The following SLC24A2 variants were observed in gnomAD, a reference collection of about 807,000 sequenced individuals.
SLC24A2 encodes solute carrier family 24 member 2, also known as sodium/potassium/calcium exchanger 2.
A neutral mutation model predicts 62.0 loss-of-function variants in SLC24A2; 36 were observed. The ratio of observed to expected loss-of-function variants is 0.58; its 90% confidence interval spans 0.44 to 0.77. The LOEUF is 0.77. Ranked by LOEUF, SLC24A2 falls within the 30% of genes least tolerant of loss-of-function variation. SLC24A2 has a pLI of 0.00. For missense variants in SLC24A2, 846 were observed against 817.9 expected (o/e 1.03, Z -0.42); for synonymous variants, 358 against 294.0 (o/e 1.22, Z -2.23).
At chr9:19,720,837 ATGTGTGTGTGTGTGTGTG>A (rs10692458) in intron 2 of SLC24A2, among the ~76,000 whole-genome samples, 26 of 140,524 alleles carry the variant, frequency 1.9e-4, no homozygotes, top group African/African-American at 5.5e-4. Flanking sequence ...ATGTGGAATG[ATGTGTGTGTGTGTGTGTG>A]TGTGTGTGTG....
intron 4 of SLC24A2, among the ~76,000 whole-genome samples, chr9:19,603,075 ACCAT>A (rs796238866): frequency 6.6e-5 from 10 of 152,268 alleles, no homozygotes; most frequent in Admixed American, 3.9e-4. Flanking sequence ...AATATCTGAA[ACCAT>A]CCATGCAACA....
At chr9:19,598,177 A>G (rs755149012) in intron 4 of SLC24A2, among the ~76,000 whole-genome samples, 2 of 152,218 alleles carry the variant, frequency 1.3e-5, no homozygotes, top group Non-Finnish European at 2.9e-5. Flanking sequence ...GATTGTTTTA[A>G]GCAATTTTGT....
chr9:20,142,798 G>A, the SLC24A2 span, among the ~76,000 whole-genome samples: 1 of 152,060 alleles, frequency 6.6e-6, no homozygotes, highest in African/African-American at 2.4e-5. Flanking sequence ...GTTTCACCGT[G>A]TTGGTCAGGC....
the SLC24A2 span, among the ~76,000 whole-genome samples, chr9:20,130,429 G>A: frequency 1.3e-5 from 2 of 152,000 alleles, no homozygotes; most frequent in Middle Eastern, 3.2e-3. Flanking sequence ...GGTGACATGT[G>A]AGCTGAAATC....
chr9:19,781,849 T>C (rs1823029372), intron 2 of SLC24A2, among the ~76,000 whole-genome samples: 1 of 152,230 alleles, frequency 6.6e-6, no homozygotes, highest in Admixed American at 6.5e-5. Context: ...AACACATGTA[T>C]ACTTATACAA....
the SLC24A2 span, among the ~76,000 whole-genome samples, chr9:20,293,612 C>A: frequency 6.6e-6 from 1 of 152,210 alleles, no homozygotes; most frequent in East Asian, 1.9e-4. Flanking sequence ...TCTTGGCCTT[C>A]TGGCTCAAGT....
At chr9:20,261,470 T>A in the SLC24A2 span, among the ~76,000 whole-genome samples, 1 of 151,882 alleles carries the variant, frequency 6.6e-6, no homozygotes, top group South Asian at 2.1e-4. Context: ...AACAGCCCAC[T>A]CTCTCCAAAA....
At chr9:20,176,723 G>A in the SLC24A2 span, among the ~76,000 whole-genome samples, 2 of 152,054 alleles carry the variant, frequency 1.3e-5, no homozygotes, top group African/African-American at 4.8e-5. Context: ...GCTTGTAAAC[G>A]TTGACTTTCA....
the SLC24A2 span, among the ~76,000 whole-genome samples, chr9:19,891,506 T>C: frequency 0.56 from 84,820 of 151,858 alleles, 26,529 homozygotes; most frequent in Non-Finnish European, 0.71. Context: ...CCACTTGTGG[T>C]AGACGGTGAA....
At chr9:20,093,943 A>G in the SLC24A2 span, among the ~76,000 whole-genome samples, 2 of 152,154 alleles carry the variant, frequency 1.3e-5, no homozygotes, top group East Asian at 3.8e-4. Context: ...CCTACTATGT[A>G]CTCACAGAAA....
chr9:20,144,420 C>A, the SLC24A2 span, among the ~76,000 whole-genome samples: 1 of 152,190 alleles, frequency 6.6e-6, no homozygotes, highest in African/African-American at 2.4e-5. Flanking sequence ...TGTCTGTTAG[C>A]TCGCTCCGAC....
At chr9:19,994,443 C>T in the SLC24A2 span, among the ~76,000 whole-genome samples, 41,402 of 152,042 alleles carry the variant, frequency 0.27, 6,053 homozygotes, top group East Asian at 0.44. Context: ...GACTAGAACA[C>T]TGCCAATTGG....
At chr9:19,758,156 T>C (rs1415555948) in intron 2 of SLC24A2, among the ~76,000 whole-genome samples, 1 of 152,182 alleles carries the variant, frequency 6.6e-6, no homozygotes, top group Non-Finnish European at 1.5e-5. Flanking sequence ...AGAGATTTGA[T>C]CACTGCGTCT....
chr9:19,803,097 C>G, the SLC24A2 span, among the ~76,000 whole-genome samples: 2 of 152,176 alleles, frequency 1.3e-5, no homozygotes, highest in African/African-American at 4.8e-5. Flanking sequence ...AAAAAAATTT[C>G]TATTCTTTAT....
At chr9:20,177,758 T>C in the SLC24A2 span, among the ~76,000 whole-genome samples, 1 of 152,160 alleles carries the variant, frequency 6.6e-6, no homozygotes, top group Non-Finnish European at 1.5e-5. Flanking sequence ...TAGTATCTAT[T>C]GAGAGTTGAC....
the SLC24A2 span, among the ~76,000 whole-genome samples, chr9:20,279,811 C>T: frequency 2.0e-5 from 3 of 152,174 alleles, no homozygotes; most frequent in African/African-American, 7.2e-5. Flanking sequence ...ACAAGTGTTC[C>T]TTCCGGTGGT....
chr9:20,230,987 G>A, the SLC24A2 span, among the ~76,000 whole-genome samples: 8 of 152,132 alleles, frequency 5.3e-5, no homozygotes, highest in Admixed American at 5.2e-4. Flanking sequence ...TTATTAAATA[G>A]GGAATCCTTT....
upstream of SLC24A2, among the ~76,000 whole-genome samples, chr9:19,790,122 G>A (rs920219372): frequency 6.6e-6 from 1 of 151,592 alleles, no homozygotes; most frequent in Non-Finnish European, 1.5e-5. Flanking sequence ...CTCCTTTCGA[G>A]ACTGAATCTT....
the SLC24A2 span, among the ~76,000 whole-genome samples, chr9:19,881,518 C>A: frequency 6.6e-6 from 1 of 152,096 alleles, no homozygotes; most frequent in South Asian, 2.1e-4. Flanking sequence ...AGACTTGTAT[C>A]TTTATACACT....
Sources: gnomAD v4.1 joint callset for allele counts (sites outside exome capture counted in the v4.1 genomes callset) on GRCh38, gnomAD v4.1.1 for gene constraint, MANE v1.5 for transcripts, NCBI Gene and HGNC (gene_info 2026-07-23, HGNC 2026-07-21) for gene names.